Variants in CDH8 observed in about 807,000 individuals in gnomAD.
The protein encoded by CDH8 is cadherin 8.
In CDH8, 17 loss-of-function variants were observed where a neutral mutation model predicts 68.1. That is an observed-to-expected ratio of 0.25 (90% CI 0.17 to 0.37). The LOEUF is 0.37. Ranked by LOEUF, CDH8 falls within the 10% of genes least tolerant of loss-of-function variation. The probability of loss-of-function intolerance (pLI) is 1.00; values close to 1 mark genes in which losing one functional copy is unlikely to be tolerated. For synonymous variants in CDH8, 372 were observed against 365.1 expected, an observed-to-expected ratio of 1.02 and a Z score of -0.21; for missense variants, 763 against 999.3, an observed-to-expected ratio of 0.76 and a Z score of 3.19.
chr16:61,923,538 T>G (rs1281184872), intron 2 of CDH8, among the ~76,000 whole-genome samples: 1 of 151,998 alleles, frequency 6.6e-6, no homozygotes, highest in Non-Finnish European at 1.5e-5. Context: ...TTGCTTTAAT[T>G]TAATGAATAT....
At chr16:61,801,880 G>C (rs1215284826) in intron 7 of CDH8, among the ~76,000 whole-genome samples, 4 of 151,504 alleles carry the variant, frequency 2.6e-5, no homozygotes, top group Non-Finnish European at 5.9e-5. Flanking sequence ...GCGGCAGCGA[G>C]GCTGGGGGAG....
chr16:62,023,795 A>G (rs1253778427), intron 1 of CDH8, among the ~76,000 whole-genome samples: 1 of 152,184 alleles, frequency 6.6e-6, no homozygotes, highest in East Asian at 1.9e-4. Flanking sequence ...GGCTCAGCCT[A>G]AACTTCTCAG....
Position 61,901,389 on chromosome 16 carries a change from C to T in CDH8, c.337G>A (p.Asp113Asn). 2 of 1,613,832 alleles carry T rather than the reference C, an allele frequency of 1.2e-6. No individual in the cohort carries two copies. Among genetic ancestry groups the T allele is most frequent in the Non-Finnish European group, 1.7e-6 (2 of 1,179,818 alleles). Residue 113 changes from aspartate (D) to asparagine (N), a missense_variant, in exon 3 of 12, where the codon GAT becomes AAT. Around this residue, in one of 2 missense-constraint regions of CDH8, gnomAD observed 366 missense variants for 563.1 expected, o/e 0.65. Coordinates refer to ENST00000577390, the MANE Select transcript of CDH8 (RefSeq NM_001796.5). ...ATAGCATGGATATCTCCAGTTACAT[C>T]ATTTATTTGAAATATGGTCCCAGCT... ...DGAGTIFQIN[D>N]VTGDIHAIKR...
At chr16:61,674,413 C>T (rs1567415056) in intron 10 of CDH8, among the ~76,000 whole-genome samples, 1 of 150,636 alleles carries the variant, frequency 6.6e-6, no homozygotes, top group East Asian at 2.0e-4. Context: ...GAGATCGTGC[C>T]ACTGCACTCC....
intron 10 of CDH8, among the ~76,000 whole-genome samples, chr16:61,656,223 T>C (rs1963445427): frequency 6.6e-6 from 1 of 152,214 alleles, no homozygotes; most frequent in South Asian, 2.1e-4. Context: ...GTTGAATGAA[T>C]GGGACCCCCT....
At chr16:61,908,384 A>G (rs541695294) in intron 2 of CDH8, among the ~76,000 whole-genome samples, 3 of 152,304 alleles carry the variant, frequency 2.0e-5, no homozygotes, top group Non-Finnish European at 4.4e-5. Context: ...TAGAGCAGAC[A>G]AGTGTTTAGG....
chr16:61,717,132 A>C (rs985188931), intron 9 of CDH8, among the ~76,000 whole-genome samples: 3 of 151,654 alleles, frequency 2.0e-5, no homozygotes, highest in African/African-American at 7.3e-5. Context: ...AGAAATATGC[A>C]TCTAAAGTTA....
chr16:61,843,350 C>G (rs1203334674), intron 4 of CDH8, among the ~76,000 whole-genome samples: 1 of 152,182 alleles, frequency 6.6e-6, no homozygotes. Context: ...ACTCAAGTAG[C>G]TGAGTGAAAA....
chr16:61,841,750 T>C (rs1381787417), intron 4 of CDH8, among the ~76,000 whole-genome samples: 1 of 152,160 alleles, frequency 6.6e-6, no homozygotes, highest in Non-Finnish European at 1.5e-5. Flanking sequence ...TTTACTTACA[T>C]GCTTGTATCA....
In CDH8 at chr16:61,819,202, T is replaced by C. The variant is rs138473837; in HGVS notation, c.1024-1470A>G. On this transcript the variant is annotated intron_variant, in intron 6 of 11. Coordinates refer to ENST00000577390, the MANE Select transcript of CDH8 (RefSeq NM_001796.5). ...ACATTCTGGTGTCCCAAGAATTTTA[T>C]TGGACAAAAAAGAGGGCCTATAAAT... Among the ~76,000 whole-genome samples the C allele has an allele frequency of 8.3e-4, 126 of 152,184 alleles. 1 individual carries two copies. The East Asian group carries it at 0.021, about 25-fold the overall frequency.
intron 8 of CDH8, among the ~76,000 whole-genome samples, chr16:61,784,777 A>C: frequency 6.6e-6 from 1 of 151,806 alleles, no homozygotes; most frequent in Non-Finnish European, 1.5e-5. Flanking sequence ...CTCAGGATTA[A>C]GAATCTCACT....
chr16:62,013,475 G>A (rs1268073864), intron 2 of CDH8, among the ~76,000 whole-genome samples: 1 of 152,028 alleles, frequency 6.6e-6, no homozygotes, highest in Non-Finnish European at 1.5e-5. Flanking sequence ...TTCATGGTTT[G>A]AAGATAGATA....
At chr16:61,957,639 C>A (rs1057279502) in intron 2 of CDH8, among the ~76,000 whole-genome samples, 20 of 152,188 alleles carry the variant, frequency 1.3e-4, no homozygotes, top group African/African-American at 4.8e-4. Flanking sequence ...CACACGCATT[C>A]ATTGACTCTG....
At chr16:61,740,973 T>C (rs1959858492) in intron 8 of CDH8, among the ~76,000 whole-genome samples, 1 of 152,200 alleles carries the variant, frequency 6.6e-6, no homozygotes, top group Non-Finnish European at 1.5e-5. Flanking sequence ...AATATTTTTC[T>C]AATGTGGATA....
At chr16:61,763,030 C>T (rs1239932445) in intron 8 of CDH8, among the ~76,000 whole-genome samples, 1 of 152,164 alleles carries the variant, frequency 6.6e-6, no homozygotes, top group Non-Finnish European at 1.5e-5. Context: ...CAACTTCCTG[C>T]TGGGGCAGGG....
intron 10 of CDH8, among the ~76,000 whole-genome samples, chr16:61,666,206 GTA>G (rs57098637): frequency 0.025 from 3,663 of 145,496 alleles, 76 homozygotes; most frequent in Non-Finnish European, 0.033. Context: ...GTGTGTGTGT[GTA>G]TATATATATA....
chr16:61,900,316 G>C (rs1043237251), intron 3 of CDH8, among the ~76,000 whole-genome samples: 2 of 151,970 alleles, frequency 1.3e-5, no homozygotes, highest in Non-Finnish European at 2.9e-5. Flanking sequence ...ACCCTTATAG[G>C]CTGTCTTAAA....
In CDH8 at chr16:61,770,160, T is replaced by C. The variant is rs530248662; in HGVS notation, c.1414+19186A>G. 2.6e-5 allele frequency among the ~76,000 whole-genome samples: 4 copies of C among 152,000 alleles called. No individual in the cohort carries two copies. The South Asian group carries it at 8.3e-4, about 31-fold the overall frequency. ...TGTTCAGGTTACATCCATCTAAACA[T>C]TGTTATGAGGATTGAATGAAACAAG... On this transcript the variant is annotated intron_variant, in intron 8 of 11. Transcript: ENST00000577390.
At chr16:61,673,674 C>T (rs930812149) in intron 10 of CDH8, among the ~76,000 whole-genome samples, 1 of 152,108 alleles carries the variant, frequency 6.6e-6, no homozygotes, top group African/African-American at 2.4e-5. Context: ...AAATTTGAGG[C>T]ACATTCTCAC....
Sources: allele counts gnomAD v4.1 joint callset (sites outside exome capture counted in the v4.1 genomes callset), GRCh38; gene constraint gnomAD v4.1.1; regional missense constraint gnomAD v4.1.1; transcripts MANE v1.5; gene names NCBI Gene and HGNC (gene_info 2026-07-23, HGNC 2026-07-21).